ZNF474: variants seen among roughly 807,000 people sequenced by gnomAD.
ZNF474 encodes 4933409D10Rik.
For synonymous variants in ZNF474, 192 were observed against 162.2 expected, an observed-to-expected ratio of 1.18 and a Z score of -1.39; for missense variants, 511 against 433.8, an observed-to-expected ratio of 1.18 and a Z score of -1.58.
intron 1 of ZNF474, among the ~76,000 whole-genome samples, chr5:122,133,849 A>C (rs1241423205): frequency 6.6e-6 from 1 of 152,220 alleles, no homozygotes; most frequent in Non-Finnish European, 1.5e-5. Flanking sequence ...CGTGAGCCAT[A>C]GCGCCCAGCT....
chr5:122,136,728 A>G (rs917442370), intron 1 of ZNF474, among the ~76,000 whole-genome samples: 2 of 152,216 alleles, frequency 1.3e-5, no homozygotes, highest in African/African-American at 4.8e-5. Context: ...ATGATCACAT[A>G]TGTGTAAGAC....
At chr5:122,148,717 G>A (rs182247937) in intron 1 of ZNF474, among the ~76,000 whole-genome samples, 2 of 152,056 alleles carry the variant, frequency 1.3e-5, no homozygotes, top group East Asian at 3.8e-4. Context: ...ACTGTATATG[G>A]CAAAAGTGAT....
intron 1 of ZNF474, among the ~76,000 whole-genome samples, chr5:122,148,225 G>A (rs983565656): frequency 1.3e-5 from 2 of 152,204 alleles, no homozygotes; most frequent in African/African-American, 4.8e-5. Flanking sequence ...GAAACATTAC[G>A]CATTTCTCCA....
At chr5:122,131,343 A>G (rs10478548) in intron 1 of ZNF474, among the ~76,000 whole-genome samples, 2,602 of 151,806 alleles carry the variant, frequency 0.017, 52 homozygotes, top group African/African-American at 0.052. Context: ...TTAGTATATT[A>G]AAGAGATATC....
Position 122,143,952 on chromosome 5 carries a change from C to T in ZNF474, c.-212-7827C>T, listed in dbSNP as rs201166882. On this transcript the variant is annotated intron_variant, in intron 1 of 1. Coordinates refer to ENST00000296600, the MANE Select transcript of ZNF474 (RefSeq NM_207317.3). ...GGTGATCCACAAAACACAATTTTGT[C>T]TGTTTGTGTTTTCCTTTTTTTCTTT... 1.2e-4 allele frequency among the ~76,000 whole-genome samples: 19 copies of T among 152,224 alleles called. 1 individual carries two copies. In the East Asian group the frequency reaches 3.7e-3, roughly 29 times the overall value.
At chr5:122,133,604 G>T (rs1249291855) in intron 1 of ZNF474, among the ~76,000 whole-genome samples, 1 of 152,156 alleles carries the variant, frequency 6.6e-6, no homozygotes, top group East Asian at 1.9e-4. Context: ...CTGTCACCCA[G>T]ACTGGAGTGC....
chr5:122,146,994 C>G (rs1488516886), intron 1 of ZNF474, among the ~76,000 whole-genome samples: 1 of 152,170 alleles, frequency 6.6e-6, no homozygotes, highest in East Asian at 1.9e-4. Context: ...AGTTGGGGCT[C>G]TATTAATTGA....
intron 1 of ZNF474, among the ~76,000 whole-genome samples, chr5:122,147,336 A>T (rs1194883624): frequency 6.6e-6 from 1 of 152,172 alleles, no homozygotes; most frequent in Non-Finnish European, 1.5e-5. Flanking sequence ...TAGAGAAGGG[A>T]TCATATCATG....
intron 1 of ZNF474, 50 bp from the exon 2 acceptor site, chr5:122,151,729 G>GTGTGTGTGTGTGTT: frequency 2.7e-6 from 1 of 371,672 alleles, no homozygotes; most frequent in South Asian, 3.3e-5. Context: ...GTGTGTGTGT[G>GTGTGTGTGTGTGTT]TGTGTGTGTT....
chr5:122,152,478 C>G lies in ZNF474; in HGVS notation c.488C>G (p.Ala163Gly), dbSNP rs1409139265. 1 of 1,614,224 alleles carries G rather than the reference C, an allele frequency of 6.2e-7. No homozygotes were observed. Among genetic ancestry groups the G allele is most frequent in the Non-Finnish European group, 8.5e-7 (1 of 1,180,040 alleles). Residue 163 changes from alanine (A) to glycine (G), a missense_variant, in exon 2 of 2, where the codon GCT becomes GGT. Physicochemically the swap from Ala to Gly is moderately conservative, Grantham distance 60. Coordinates refer to ENST00000296600, the MANE Select transcript of ZNF474 (RefSeq NM_207317.3). ...GAGGCTGCATTTCAGAGTGCCCAGG[C>G]TCAGCTGCTGCCCTGTGAATCCTGT... ...TNEAAFQSAQ[A>G]QLLPCESCGR...
chr5:122,141,149 T>G (rs1352337723), intron 1 of ZNF474, among the ~76,000 whole-genome samples: 3 of 54,996 alleles, frequency 5.5e-5, no homozygotes, highest in Non-Finnish European at 1.8e-4. Flanking sequence ...TATTTTATTT[T>G]ATTTTATTTT....
At chr5:122,138,660 T>G (rs932164846) in intron 1 of ZNF474, among the ~76,000 whole-genome samples, 13 of 152,216 alleles carry the variant, frequency 8.5e-5, no homozygotes, top group African/African-American at 2.9e-4. Flanking sequence ...AAGTGTCAGA[T>G]GGACTAGCAT....
In ZNF474 at chr5:122,152,258, C is replaced by T. The variant is rs558433028; in HGVS notation, c.268C>T (p.Arg90Cys). Reference sequence around the variant, plus strand: ...GCTTAGCCCCCCTGTGATCCCGGCCCGCAGGCCTGGATTCCGGGTATGCTA... The same window carrying T: ...GCTTAGCCCCCCTGTGATCCCGGCCTGCAGGCCTGGATTCCGGGTATGCTA... ...SQLSPPVIPA[R>C]RPGFRVCYIC... Residue 90 changes from arginine to cysteine, a missense_variant, in exon 2 of 2, where the codon CGC (arginine) becomes TGC (cysteine). Arg to Cys is a radical substitution (Grantham distance 180). Transcript: ENST00000296600. 1.7e-5 allele frequency: 27 copies of T among 1,614,198 alleles called. 1 individual carries two copies. The highest frequency in any genetic ancestry group is 3.3e-4 in the Middle Eastern group (2 of 6,060).
Position 122,152,124 on chromosome 5 carries a change from CAGAG to C in ZNF474, c.137_140del (p.Glu46ValfsTer8). 1.2e-6 allele frequency: 2 copies of C among 1,614,186 alleles called. No homozygotes were observed. Among genetic ancestry groups the C allele is most frequent in the Non-Finnish European group, 1.7e-6 (2 of 1,180,032 alleles). The stretch of plus-strand genomic sequence containing the variant: ...TCCTATTCTAGCCTTTCCCCAGAAA[CAGAG>C]AGTGTTAATCCTGGTGAAAATATAA... On this transcript the variant is annotated frameshift_variant, in exon 2 of 2. Transcript: ENST00000296600. LOFTEE classifies it low-confidence loss of function (END_TRUNC).
intron 1 of ZNF474, among the ~76,000 whole-genome samples, chr5:122,151,378 G>T (rs1756166441): frequency 6.6e-6 from 1 of 152,148 alleles, no homozygotes; most frequent in Non-Finnish European, 1.5e-5. Context: ...GGCCCAGGGG[G>T]TCTTTTCGTA....
At chr5:122,147,132 T>A (rs1386099992) in intron 1 of ZNF474, among the ~76,000 whole-genome samples, 1 of 152,150 alleles carries the variant, frequency 6.6e-6, no homozygotes, top group Non-Finnish European at 1.5e-5. Flanking sequence ...AAAGCAAGAT[T>A]TCATAGGTAA....
At chr5:122,132,386 AAAGTTAAAT>A (rs1468692680) in intron 1 of ZNF474, among the ~76,000 whole-genome samples, 2 of 152,078 alleles carry the variant, frequency 1.3e-5, no homozygotes, top group African/African-American at 4.8e-5. Context: ...TTAACTTTAT[AAAGTTAAAT>A]TTTTAGATAA....
At chr5:122,148,714 A>G (rs1293045520) in intron 1 of ZNF474, among the ~76,000 whole-genome samples, 1 of 152,120 alleles carries the variant, frequency 6.6e-6, no homozygotes, top group African/African-American at 2.4e-5. Context: ...ACAACTGTAT[A>G]TGGCAAAAGT....
intron 1 of ZNF474, among the ~76,000 whole-genome samples, chr5:122,147,523 C>T (rs1031993155): frequency 1.8e-4 from 27 of 151,752 alleles, no homozygotes; most frequent in African/African-American, 5.6e-4. Context: ...ATCCCTCCCC[C>T]ATCCCCCCAC....
Sources: gnomAD v4.1 joint callset for allele counts (sites outside exome capture counted in the v4.1 genomes callset) on GRCh38, gnomAD v4.1.1 for gene constraint, MANE v1.5 for transcripts, NCBI Gene and HGNC (gene_info 2026-07-23, HGNC 2026-07-21) for gene names.